The following KIF1B variants were observed in gnomAD, a reference collection of about 807,000 sequenced individuals.
KIF1B encodes the protein kinesin family member 1B.
KIF1B carries 76 observed loss-of-function variants against 241.9 expected under a neutral mutation model. That is an observed-to-expected ratio of 0.31 (90% CI 0.26 to 0.38). The LOEUF is 0.38. Among genes scored for constraint, KIF1B ranks in the 10% least tolerant of loss-of-function variants. The pLI is 1.00. For missense variants in KIF1B, 1,622 were observed against 2,271.4 expected (o/e 0.71, Z 5.81); for synonymous variants, 750 against 796.7 (o/e 0.94, Z 0.99).
At chr1:10,310,468 CTAT>C (rs1295750006) in intron 22 of KIF1B, among the ~76,000 whole-genome samples, 2 of 151,540 alleles carry the variant, frequency 1.3e-5, no homozygotes, top group Non-Finnish European at 2.9e-5. Context: ...CTGTTCAACT[CTAT>C]TGTTGTAGTA....
At chr1:10,305,897 T>G (rs72640311) in intron 22 of KIF1B, 15,784 of 1,053,294 alleles carry the variant, frequency 0.015, 134 homozygotes, top group Non-Finnish European at 0.016. Context: ...TGTCCGAAAT[T>G]GCCTGACTTC....
At chr1:10,249,435 A>G (rs1647319372) in intron 2 of KIF1B, among the ~76,000 whole-genome samples, 1 of 152,114 alleles carries the variant, frequency 6.6e-6, no homozygotes, top group Non-Finnish European at 1.5e-5. Context: ...ATTTAATCAG[A>G]GTTGTACATG....
At chr1:10,280,666 A>T (rs548131118) in intron 14 of KIF1B, among the ~76,000 whole-genome samples, 4 of 152,218 alleles carry the variant, frequency 2.6e-5, no homozygotes, top group Non-Finnish European at 5.9e-5. Context: ...TAATGTCCTG[A>T]TACAGAAGTG....
chr1:10,288,070 T>G (rs1649801096), intron 15 of KIF1B, among the ~76,000 whole-genome samples: 1 of 152,190 alleles, frequency 6.6e-6, no homozygotes, highest in Admixed American at 6.5e-5. Flanking sequence ...GGTTATATCA[T>G]CAGCTTGTCT....
At chr1:10,219,748 A>AACTC (rs1054235462) in intron 1 of KIF1B, among the ~76,000 whole-genome samples, 2 of 151,564 alleles carry the variant, frequency 1.3e-5, no homozygotes, top group African/African-American at 4.8e-5. Flanking sequence ...ACAAGAGTGA[A>AACTC]ACTCACCTCA....
intron 2 of KIF1B, among the ~76,000 whole-genome samples, chr1:10,255,555 A>G (rs1421990970): frequency 2.0e-5 from 3 of 152,128 alleles, no homozygotes; most frequent in Non-Finnish European, 2.9e-5. Flanking sequence ...ACACCACTGC[A>G]CTCCAGCTTG....
Position 10,305,422 on chromosome 1 carries a change from CAA to C in KIF1B, c.2115+8178_2115+8179del, listed in dbSNP as rs34841841. ...ATGTATCATTTGACACACATGCACACAAAGTGAACTATTCACCAAAATCATGC... is the reference window on the plus strand; with the variant it reads ...ATGTATCATTTGACACACATGCACACAGTGAACTATTCACCAAAATCATGC... On this transcript the variant is annotated intron_variant, in intron 22 of 48. Coordinates refer to ENST00000676179, the MANE Select transcript of KIF1B (RefSeq NM_001365951.3). 6.9e-3 allele frequency: 7,274 copies of C among 1,056,266 alleles called. 417 individuals carry two copies. In the African/African-American group the frequency reaches 0.11, roughly 16 times the overall value. The allele number at this position is 1,056,266 out of a possible 1,614,324, so 65.4% of individuals were successfully genotyped here. A position where few individuals can be genotyped will look rare whatever the true frequency, so the allele number is the denominator to read the frequency against.
In KIF1B at chr1:10,362,514, AAAAG is replaced by A. The variant is rs566829797; in HGVS notation, c.4304+697_4304+700del. Among the ~76,000 whole-genome samples the A allele has an allele frequency of 1.5e-3, 235 of 151,724 alleles. 1 individual carries two copies. Among genetic ancestry groups the A allele is most frequent in the African/African-American group, 4.0e-3 (165 of 41,420 alleles). On this transcript the variant is annotated intron_variant, in intron 40 of 48. Transcript: ENST00000676179. The stretch of plus-strand genomic sequence containing the variant: ...AAGAAAAGAAAAAGGAAAAAAAAAA[AAAAG>A]AAAGAAACAATACAATGAATACCTG...
In KIF1B at chr1:10,275,507, T is replaced by A. The variant is rs762856809; in HGVS notation, c.958+4T>A. On this transcript the variant is annotated splice_donor_region_variant and intron_variant, in intron 11 of 48. Coordinates refer to ENST00000676179, the MANE Select transcript of KIF1B (RefSeq NM_001365951.3). The stretch of plus-strand genomic sequence containing the variant: ...TGGCTCCTTCGAGAAAATTTAGGTA[T>A]GTTGACCACTAGTGAAAAGTAGTTA... The A allele has an allele frequency of 2.1e-6, 3 of 1,462,178 alleles. No individual in the cohort carries two copies. In the African/African-American group the frequency reaches 4.2e-5, roughly 20 times the overall value. 90.6% of individuals were successfully genotyped at this position (1,462,178 alleles called of 1,614,324 possible).
intron 22 of KIF1B, chr1:10,305,834 A>G: frequency 9.5e-7 from 1 of 1,052,534 alleles, no homozygotes. Flanking sequence ...ATCGTTCCTC[A>G]TCTCTTGAGT....
chr1:10,335,465 C>T (rs575724557), intron 28 of KIF1B, among the ~76,000 whole-genome samples: 7 of 152,272 alleles, frequency 4.6e-5, no homozygotes, highest in African/African-American at 1.7e-4. Flanking sequence ...TTTGGCCAGG[C>T]TGGTCTGAAA....
chr1:10,302,639 G>A (rs761567387), intron 22 of KIF1B, among the ~76,000 whole-genome samples: 70 of 152,244 alleles, frequency 4.6e-4, no homozygotes, highest in Admixed American at 2.1e-3. Context: ...CCGCCTGCTC[G>A]TCACATCTTT....
chr1:10,314,583 C>T (rs911740887), intron 22 of KIF1B, among the ~76,000 whole-genome samples: 1 of 151,252 alleles, frequency 6.6e-6, no homozygotes, highest in Non-Finnish European at 1.5e-5. Context: ...CTAAGTCCGG[C>T]TAATTTTTGT....
At chr1:10,212,920 A>G (rs1379504003) in intron 1 of KIF1B, among the ~76,000 whole-genome samples, 2 of 124,886 alleles carry the variant, frequency 1.6e-5, no homozygotes, top group African/African-American at 3.8e-5. Context: ...ATATATATAT[A>G]TATATATATA....
At chr1:10,305,633 A>G in intron 22 of KIF1B, 2 of 1,056,552 alleles carry the variant, frequency 1.9e-6, no homozygotes, top group Non-Finnish European at 2.3e-6. Flanking sequence ...AATAAAGGAG[A>G]TGATACATAA....
intron 22 of KIF1B, chr1:10,306,176 G>T (rs1211614210): frequency 4.8e-6 from 5 of 1,039,272 alleles, no homozygotes; most frequent in Non-Finnish European, 5.8e-6. Context: ...CTTAAAAAGA[G>T]AAGCTTTGAG....
chr1:10,279,004 C>T (rs1649264800), intron 13 of KIF1B, 93 bp from the exon 14 acceptor site: 2 of 816,276 alleles, frequency 2.5e-6, no homozygotes, highest in Non-Finnish European at 4.0e-6. Context: ...TTTCCATCTC[C>T]CCAAATGCCA....
Position 10,282,675 on chromosome 1 carries a change from CT to C in KIF1B, c.1434+145del, listed in dbSNP as rs1356131011. The C allele has an allele frequency of 9.2e-6, 7 of 758,288 alleles. No homozygotes were observed. The African/African-American group carries it at 1.2e-4, about 13-fold the overall frequency. 47.0% of individuals were successfully genotyped at this position (758,288 alleles called of 1,614,324 possible). A position where few individuals can be genotyped will look rare whatever the true frequency, so the allele number is the denominator to read the frequency against. On this transcript the variant is annotated intron_variant, in intron 15 of 48. Transcript: ENST00000676179. ...AGTGTCCTGAAAATTGAATTTTGTGCTTTGTAAGTTAATTTCTTTTCATTAG... is the reference window on the plus strand; with the variant it reads ...AGTGTCCTGAAAATTGAATTTTGTGCTTGTAAGTTAATTTCTTTTCATTAG...
At chr1:10,331,980 C>G (rs1189419387) in intron 27 of KIF1B, among the ~76,000 whole-genome samples, 1 of 151,804 alleles carries the variant, frequency 6.6e-6, no homozygotes, top group Non-Finnish European at 1.5e-5. Flanking sequence ...TTCACTTATG[C>G]ATTTCTGAAT....
Sources: gnomAD v4.1 joint callset for allele counts (sites outside exome capture counted in the v4.1 genomes callset) on GRCh38, gnomAD v4.1.1 for gene constraint, MANE v1.5 for transcripts, NCBI Gene and HGNC (gene_info 2026-07-23, HGNC 2026-07-21) for gene names.